The following KCNQ1 variants were observed in gnomAD, a reference collection of about 807,000 sequenced individuals.
KCNQ1 encodes the protein potassium voltage-gated channel subfamily Q member 1.
KCNQ1 carries 49 observed loss-of-function variants against 72.4 expected under a neutral mutation model. The observed-to-expected ratio is 0.68, with a 90% CI of 0.54 to 0.86. The LOEUF (loss-of-function observed/expected upper bound fraction) is 0.86. KCNQ1 is among the 40% of genes least tolerant of loss of function. The pLI is 0.00. For missense variants in KCNQ1, 790 were observed against 945.1 expected, an observed-to-expected ratio of 0.84 and a Z score of 2.15; for synonymous variants, 450 against 412.6, an observed-to-expected ratio of 1.09 and a Z score of -1.10.
intron 11 of KCNQ1, chr11:2,694,945 G>C (rs1850650092): frequency 2.5e-6 from 1 of 398,636 alleles, no homozygotes; most frequent in South Asian, 1.3e-4. Flanking sequence ...CCTTGGGGCA[G>C]GAGGGATACT....
At chr11:2,504,071 G>C (rs759075293) in intron 1 of KCNQ1, among the ~76,000 whole-genome samples, 12 of 152,216 alleles carry the variant, frequency 7.9e-5, no homozygotes, top group Non-Finnish European at 1.8e-4. Flanking sequence ...AGATTTGGGA[G>C]CAAACTGAGT....
In KCNQ1 at chr11:2,746,565, G is replaced by C. The variant is rs1009097601; in HGVS notation, c.1515-22279G>C. On this transcript the variant is annotated intron_variant, in intron 11 of 15. Coordinates refer to ENST00000155840, the MANE Select transcript of KCNQ1 (RefSeq NM_000218.3). This position sits in a 1 kb window ranked among gnomAD's most constrained non-coding sequence, Gnocchi z 5.9. ...GGAGGACAGGTCAGGTGTTTGTAGG[G>C]TGTCCCTTACTAGGATCCGTCTGCT... Among the ~76,000 whole-genome samples the C allele has an allele frequency of 3.9e-5, 6 of 152,164 alleles. No individual in the cohort carries two copies. The highest frequency in any genetic ancestry group is 6.5e-5 in the Admixed American group (1 of 15,280).
Position 2,547,704 on chromosome 11 carries a change from A to G in KCNQ1, c.477+19686A>G, listed in dbSNP as rs1847918631. Among the ~76,000 whole-genome samples the G allele has an allele frequency of 6.6e-6, 1 of 152,034 alleles. No individual in the cohort carries two copies. The highest frequency in any genetic ancestry group is 1.5e-5 in the Non-Finnish European group (1 of 68,006). On this transcript the variant is annotated intron_variant, in intron 2 of 15. Transcript: ENST00000155840. The surrounding 1 kb of genome is among the most constrained non-coding windows in gnomAD (Gnocchi z 4.2). Reference sequence around the variant, plus strand: ...TAAGCTGACTCCATTTCCATCTTTTATAAGTTCAGACCCCCACAACCTTGG... The same window carrying G: ...TAAGCTGACTCCATTTCCATCTTTTGTAAGTTCAGACCCCCACAACCTTGG...
chr11:2,673,766 G>A lies in KCNQ1; in HGVS notation c.1514+11685G>A. 1 of 398,544 alleles carries A rather than the reference G, an allele frequency of 2.5e-6. No homozygotes were observed. Among genetic ancestry groups the A allele is most frequent in the Non-Finnish European group, 4.4e-6 (1 of 226,120 alleles). The allele number at this position is 398,544 out of a possible 1,614,324, so 24.7% of individuals were successfully genotyped here. On this transcript the variant is annotated intron_variant, in intron 11 of 15. Coordinates refer to ENST00000155840, the MANE Select transcript of KCNQ1 (RefSeq NM_000218.3). This position sits in a 1 kb window ranked among gnomAD's most constrained non-coding sequence, Gnocchi z 4.5. ...GAAGGGGTACAGTCCCTTCTTGCTG[G>A]TATGTTGGGAAGCTCTGGTGCAAAG...
chr11:2,565,725 G>A lies in KCNQ1; in HGVS notation c.478-4903G>A, dbSNP rs2133717943. Among the ~76,000 whole-genome samples the A allele has an allele frequency of 6.6e-6, 1 of 152,342 alleles. No homozygotes were observed. Among genetic ancestry groups the A allele is most frequent in the African/African-American group, 2.4e-5 (1 of 41,576 alleles). ...ATACAGTCGAACGAGTGGGTCCGAT[G>A]TGGAGTGCAGTGGCATCAGCCAAGG... On this transcript the variant is annotated intron_variant, in intron 2 of 15. Coordinates refer to ENST00000155840, the MANE Select transcript of KCNQ1 (RefSeq NM_000218.3). This position sits in a 1 kb window ranked among gnomAD's most constrained non-coding sequence, Gnocchi z 5.6.
In KCNQ1 at chr11:2,457,182, C is replaced by G. The variant is rs1260290053; in HGVS notation, c.386+11698C>G. Among the ~76,000 whole-genome samples the G allele has an allele frequency of 6.6e-6, 1 of 152,146 alleles. No homozygotes were observed. Among genetic ancestry groups the G allele is most frequent in the African/African-American group, 2.4e-5 (1 of 41,434 alleles). On this transcript the variant is annotated intron_variant, in intron 1 of 15. Coordinates refer to ENST00000155840, the MANE Select transcript of KCNQ1 (RefSeq NM_000218.3). This position sits in a 1 kb window ranked among gnomAD's most constrained non-coding sequence, Gnocchi z 5.0. The stretch of plus-strand genomic sequence containing the variant: ...GAGAGGCAGTAGAGAAAGGGGAACA[C>G]TTACACCCTGTTGACGGGAGTGTAA...
rs562868945 is a variant in KCNQ1, at chr11:2,843,863, C to T, written c.1795-3904C>T. 3.3e-5 allele frequency among the ~76,000 whole-genome samples: 5 copies of T among 152,308 alleles called. No individual in the cohort carries two copies. In the South Asian group the frequency reaches 1.0e-3, roughly 32 times the overall value. ...GGTTATTAATTTGGTGAGTGCAGGC[C>T]GGGCACAAAGCAGCTTTTGTCTGCC... On this transcript the variant is annotated intron_variant, in intron 15 of 15. Transcript: ENST00000155840.
At chr11:2,656,302 C>T (rs1436692601) in intron 10 of KCNQ1, 14 of 398,552 alleles carry the variant, frequency 3.5e-5, no homozygotes, top group Non-Finnish European at 5.7e-5. Context: ...GGGGCAGTAA[C>T]ATGCTTCTGC....
At chr11:2,699,977 C>A (rs1393675347) in intron 11 of KCNQ1, 2 of 398,314 alleles carry the variant, frequency 5.0e-6, no homozygotes, top group Non-Finnish European at 8.9e-6. Context: ...CGTGCTGAGG[C>A]GACGCGGCGA....
At position 2,847,821 on chromosome 11, in the gene KCNQ1, C is replaced by T. The variant is rs1848362783; in HGVS notation, c.1849C>T (p.Leu617Phe). ...CATCACCGACATGCTTCACCAGCTG[C>T]TCTCCTTGCACGGTGGCAGCACCCC... ...ALITDMLHQL[L>F]SLHGGSTPGS... The change falls in exon 16 of 16, where the codon CTC becomes TTC. Residue 617 changes from leucine to phenylalanine, a missense_variant. Around this residue, in one of 5 missense-constraint regions of KCNQ1, gnomAD observed 94 missense variants for 85.2 expected, o/e 1.10. Coordinates refer to ENST00000155840, the MANE Select transcript of KCNQ1 (RefSeq NM_000218.3). 2 of 1,568,746 alleles carry T rather than the reference C, an allele frequency of 1.3e-6. No individual in the cohort carries two copies. The highest frequency in any genetic ancestry group is 2.7e-5 in the African/African-American group (2 of 73,960).
intron 15 of KCNQ1, among the ~76,000 whole-genome samples, chr11:2,812,109 C>T (rs2134041332): frequency 6.6e-6 from 1 of 152,314 alleles, no homozygotes; most frequent in Non-Finnish European, 1.5e-5. Context: ...CCCATGCTCC[C>T]TGCACTGACC....
intron 15 of KCNQ1, among the ~76,000 whole-genome samples, chr11:2,841,625 T>TG: frequency 6.6e-6 from 1 of 152,158 alleles, no homozygotes. Context: ...CGCTGAGCTG[T>TG]GGGGCTGTTG....
rs1225024336 is a variant in KCNQ1 at position 2,664,718 on chromosome 11, G to A, written c.1514+2637G>A. ...CCCTGAACTGGGAAGAGAGGCACAC[G>A]CCCTGGTGTGTGTGAGGGACAGGGA... On this transcript the variant is annotated intron_variant, in intron 11 of 15. Coordinates refer to ENST00000155840, the MANE Select transcript of KCNQ1 (RefSeq NM_000218.3). This position sits in a 1 kb window ranked among gnomAD's most constrained non-coding sequence, Gnocchi z 5.1. 1.8e-5 allele frequency: 7 copies of A among 398,630 alleles called. No individual in the cohort carries two copies. Among genetic ancestry groups the A allele is most frequent in the East Asian group, 7.1e-5 (2 of 28,096 alleles). 24.7% of individuals were successfully genotyped at this position (398,630 alleles called of 1,614,324 possible).
chr11:2,641,839 A>AT (rs1849583749), intron 10 of KCNQ1: 1 of 398,272 alleles, frequency 2.5e-6, no homozygotes, highest in Non-Finnish European at 4.4e-6. Flanking sequence ...AAACGGTTTC[A>AT]TTTTTCACAT....
intron 10 of KCNQ1, among the ~76,000 whole-genome samples, chr11:2,606,779 G>A (rs1317620728): frequency 6.6e-6 from 1 of 151,650 alleles, no homozygotes; most frequent in Non-Finnish European, 1.5e-5. Flanking sequence ...TATCCTGGAT[G>A]GAACACTCAA....
At chr11:2,542,230 G>C (rs111754665) in intron 2 of KCNQ1, among the ~76,000 whole-genome samples, 55 of 152,360 alleles carry the variant, frequency 3.6e-4, no homozygotes, top group African/African-American at 1.3e-3. Flanking sequence ...TGGGGACATT[G>C]GGCATGAAGG....
Position 2,826,862 on chromosome 11 carries a change from T to C in KCNQ1, c.1795-20905T>C, listed in dbSNP as rs1026844906. 2.6e-5 allele frequency among the ~76,000 whole-genome samples: 4 copies of C among 152,044 alleles called. No homozygotes were observed. Among genetic ancestry groups the C allele is most frequent in the African/African-American group, 9.7e-5 (4 of 41,390 alleles). On this transcript the variant is annotated intron_variant, in intron 15 of 15. Coordinates refer to ENST00000155840, the MANE Select transcript of KCNQ1 (RefSeq NM_000218.3). This position sits in a 1 kb window ranked among gnomAD's most constrained non-coding sequence, Gnocchi z 4.2. ...CACAGGCCAGCAGCCTGTAAACCAC[T>C]GGGTGTGGGGTGTCTGGTCCTGGAG... is the stretch of plus-strand genomic sequence containing the variant.
chr11:2,634,754 C>T lies in KCNQ1; in HGVS notation c.1394-27207C>T, dbSNP rs1321328822. ...GTTCTAGATCCTTGAGGAATCACCA[C>T]ACTGTCTTCTACAATGGTTGAACTA... On this transcript the variant is annotated intron_variant, in intron 10 of 15. Transcript: ENST00000155840. The T allele has an allele frequency of 3.9e-5, 6 of 152,346 alleles. No individual in the cohort carries two copies. The East Asian group carries it at 5.8e-4, about 15-fold the overall frequency. The allele number at this position is 152,346 out of a possible 1,614,324, so 9.4% of individuals were successfully genotyped here.
Position 2,671,423 on chromosome 11 carries a change from AGATT to A in KCNQ1, c.1514+9343_1514+9346del. 5.0e-6 allele frequency: 2 copies of A among 398,658 alleles called. No homozygotes were observed. The highest frequency in any genetic ancestry group is 8.8e-6 in the Non-Finnish European group (2 of 226,082). The allele number at this position is 398,658 out of a possible 1,614,324, so 24.7% of individuals were successfully genotyped here. A position where few individuals can be genotyped will look rare whatever the true frequency, so the allele number is the denominator to read the frequency against. ...CAGGGTACTCTGGATGTGCACCCAG[AGATT>A]CTCCCACTTTAGCAGGCAGAAGAGC... On this transcript the variant is annotated intron_variant, in intron 11 of 15. Coordinates refer to ENST00000155840, the MANE Select transcript of KCNQ1 (RefSeq NM_000218.3). This position sits in a 1 kb window ranked among gnomAD's most constrained non-coding sequence, Gnocchi z 4.7.
Sources: gnomAD v4.1 joint callset for allele counts (sites outside exome capture counted in the v4.1 genomes callset) on GRCh38, gnomAD v4.1.1 for gene constraint, gnomAD v4.1.1 regional missense constraint, Gnocchi (gnomAD v3.1) non-coding constraint, MANE v1.5 for transcripts, NCBI Gene and HGNC (gene_info 2026-07-23, HGNC 2026-07-21) for gene names.